Variants in CLNK observed in about 807,000 individuals in gnomAD.
CLNK encodes the protein cytokine-dependent hematopoietic cell linker.
A neutral mutation model predicts 68.6 loss-of-function variants in CLNK; 74 were observed. The ratio of observed to expected loss-of-function variants is 1.08; its 90% CI spans 0.89 to 1.31. CLNK has a LOEUF of 1.31. Ranked by LOEUF, CLNK falls within the 50% of genes most tolerant of loss-of-function variation. The pLI is 0.00. For missense variants in CLNK, 553 were observed against 515.3 expected, an observed-to-expected ratio of 1.07 and a Z score of -0.71; for synonymous variants, 198 against 172.2, an observed-to-expected ratio of 1.15 and a Z score of -1.17.
intron 2 of CLNK, among the ~76,000 whole-genome samples, chr4:10,660,067 T>C (rs2108888114): frequency 6.6e-6 from 1 of 152,360 alleles, no homozygotes; most frequent in East Asian, 1.9e-4. Context: ...GATTTCTCTG[T>C]ATGTTTTTAT....
At chr4:10,578,381 G>T (rs1451565790) in intron 4 of CLNK, among the ~76,000 whole-genome samples, 1 of 152,042 alleles carries the variant, frequency 6.6e-6, no homozygotes, top group Non-Finnish European at 1.5e-5. Context: ...TTCAAGCTGG[G>T]ATCCCCTTCA....
At chr4:10,673,449 A>G (rs754109621) in intron 1 of CLNK, among the ~76,000 whole-genome samples, 4 of 152,176 alleles carry the variant, frequency 2.6e-5, no homozygotes, top group Non-Finnish European at 5.9e-5. Flanking sequence ...CTGGATTAAT[A>G]AAATGTGGCA....
intron 3 of CLNK, among the ~76,000 whole-genome samples, chr4:10,586,554 C>G (rs528144427): frequency 6.6e-6 from 1 of 151,952 alleles, no homozygotes; most frequent in Non-Finnish European, 1.5e-5. Context: ...ACCTCATGAT[C>G]CACCCACCTC....
chr4:10,679,728 A>G (rs1158420279), intron 1 of CLNK, among the ~76,000 whole-genome samples: 1 of 152,222 alleles, frequency 6.6e-6, no homozygotes, highest in East Asian at 1.9e-4. Context: ...ACACTTCTCA[A>G]AAGAAGACAT....
chr4:10,712,696 CA>C, the CLNK span, among the ~76,000 whole-genome samples: 1 of 152,206 alleles, frequency 6.6e-6, no homozygotes. Flanking sequence ...CTTTACTGCT[CA>C]CAGAGTCATG....
the CLNK span, among the ~76,000 whole-genome samples, chr4:10,703,206 C>A: frequency 7.9e-5 from 12 of 152,030 alleles, no homozygotes; most frequent in Non-Finnish European, 1.3e-4. Flanking sequence ...AGCTTTGAAC[C>A]TGGAGTCACA....
the CLNK span, among the ~76,000 whole-genome samples, chr4:10,690,911 C>A: frequency 2.0e-5 from 3 of 151,838 alleles, no homozygotes; most frequent in South Asian, 6.3e-4. Flanking sequence ...TGGTGAAACA[C>A]CAGTAATAAA....
Position 10,525,925 on chromosome 4 carries a change from A to G in CLNK, c.650-3T>C. 6.5e-7 allele frequency: 1 copy of G among 1,543,286 alleles called. No homozygotes were observed. The highest frequency in any genetic ancestry group is 1.9e-5 in the Admixed American group (1 of 51,992). ...AGGCTTCCTCTGGTTATGAGGAACT[A>G]TATAAAACAGTGACATAATTTGGTC... is the stretch of plus-strand genomic sequence containing the variant. On this transcript the variant is annotated splice_polypyrimidine_tract_variant and splice_region_variant and intron_variant, in intron 13 of 18. Coordinates refer to ENST00000226951, the MANE Select transcript of CLNK (RefSeq NM_052964.4).
At chr4:10,552,906 T>A (rs1026162001) in intron 8 of CLNK, among the ~76,000 whole-genome samples, 1 of 152,170 alleles carries the variant, frequency 6.6e-6, no homozygotes, top group Non-Finnish European at 1.5e-5. Flanking sequence ...TACAAGCAGC[T>A]TTTACTATAC....
chr4:10,654,965 G>C (rs893630808), intron 2 of CLNK, among the ~76,000 whole-genome samples: 1 of 151,856 alleles, frequency 6.6e-6, no homozygotes, highest in Non-Finnish European at 1.5e-5. Flanking sequence ...AGCTGGGCGC[G>C]GTGGCAGCGC....
chr4:10,571,857 T>C (rs1720368102), intron 4 of CLNK, 79 bp from the exon 5 acceptor site: 2 of 1,089,948 alleles, frequency 1.8e-6, no homozygotes, highest in Middle Eastern at 2.0e-4. Flanking sequence ...CCCTTGTTTT[T>C]CTCCAGAAAT....
intron 8 of CLNK, among the ~76,000 whole-genome samples, chr4:10,549,460 G>A (rs553803040): frequency 1.3e-5 from 2 of 152,286 alleles, no homozygotes; most frequent in South Asian, 4.1e-4. Flanking sequence ...TGTTAAGATT[G>A]AATCTTGATC....
At chr4:10,526,795 A>G (rs1718340784) in intron 13 of CLNK, among the ~76,000 whole-genome samples, 1 of 152,176 alleles carries the variant, frequency 6.6e-6, no homozygotes, top group Admixed American at 6.5e-5. Flanking sequence ...TACATATGCA[A>G]TTTATGTTCC....
At chr4:10,700,241 A>G in the CLNK span, among the ~76,000 whole-genome samples, 2 of 152,224 alleles carry the variant, frequency 1.3e-5, no homozygotes, top group Non-Finnish European at 2.9e-5. Context: ...GCTACATAGT[A>G]CATCCAATAT....
intron 5 of CLNK, among the ~76,000 whole-genome samples, chr4:10,569,468 C>A (rs1720257815): frequency 6.6e-6 from 1 of 152,164 alleles, no homozygotes; most frequent in African/African-American, 2.4e-5. Flanking sequence ...TTCTCGCCAA[C>A]CCTACTGGCA....
chr4:10,720,446 C>A, the CLNK span, among the ~76,000 whole-genome samples: 8 of 151,890 alleles, frequency 5.3e-5, no homozygotes, highest in African/African-American at 1.9e-4. Context: ...ACAGATATTT[C>A]GGAAGAGGAT....
chr4:10,501,528 A>T (rs1717050372), intron 17 of CLNK, 117 bp from the exon 18 acceptor site: 2 of 1,012,914 alleles, frequency 2.0e-6, no homozygotes, highest in Non-Finnish European at 2.9e-6. Flanking sequence ...GTTTTTGGTA[A>T]ACCACTTTAA....
intron 2 of CLNK, among the ~76,000 whole-genome samples, chr4:10,654,363 T>C (rs1723870742): frequency 9.4e-6 from 1 of 106,826 alleles, no homozygotes; most frequent in South Asian, 2.9e-4. Flanking sequence ...ATTAAATATA[T>C]AGATAAATAT....
chr4:10,601,034 C>T (rs1458164077), intron 2 of CLNK, among the ~76,000 whole-genome samples: 2 of 152,158 alleles, frequency 1.3e-5, no homozygotes. Context: ...AAGAAGAGAG[C>T]TGGACTCAAA....
Sources: allele counts gnomAD v4.1 joint callset (sites outside exome capture counted in the v4.1 genomes callset), GRCh38; gene constraint gnomAD v4.1.1; transcripts MANE v1.5; gene names NCBI Gene and HGNC (gene_info 2026-07-23, HGNC 2026-07-21).